Variants in CDH26 observed in about 807,000 individuals in gnomAD.
CDH26 encodes cadherin-like protein 26.
CDH26 carries 83 observed loss-of-function variants against 90.3 expected under a neutral mutation model. That is an observed-to-expected ratio of 0.92 (90% CI 0.77 to 1.10). The LOEUF (loss-of-function observed/expected upper bound fraction) is 1.10. Among genes scored for constraint, CDH26 ranks in the 50% least tolerant of loss-of-function variants. CDH26 has a pLI of 0.00. For synonymous variants in CDH26, 397 were observed against 396.3 expected, an observed-to-expected ratio of 1.00 and a Z score of -0.02; for missense variants, 1,013 against 1,037.6, an observed-to-expected ratio of 0.98 and a Z score of 0.33.
intron 1 of CDH26, among the ~76,000 whole-genome samples, chr20:59,967,881 C>CT (rs2061182340): frequency 1.0e-5 from 1 of 98,938 alleles, no homozygotes; most frequent in African/African-American, 8.0e-5. Context: ...TTCTTTCTTC[C>CT]TTCCTTCCTT....
At chr20:59,959,111 CT>C (rs2061034554) in intron 1 of CDH26, among the ~76,000 whole-genome samples, 1 of 152,094 alleles carries the variant, frequency 6.6e-6, no homozygotes, top group East Asian at 1.9e-4. Context: ...TTTCTTTCTC[CT>C]TTTGTTGAGA....
chr20:59,999,815 A>T, intron 14 of CDH26, 152 bp downstream of exon 14: 1 of 646,660 alleles, frequency 1.5e-6, no homozygotes, highest in Non-Finnish European at 2.7e-6. Context: ...GCAAAGCCCC[A>T]TGGTTCCCTT....
At chr20:59,975,924 G>A (rs985308390) in intron 4 of CDH26, among the ~76,000 whole-genome samples, 12 of 152,080 alleles carry the variant, frequency 7.9e-5, no homozygotes, top group South Asian at 2.1e-4. Flanking sequence ...AGTAGCCCTG[G>A]TTGAGAATTA....
downstream of CDH26, among the ~76,000 whole-genome samples, chr20:60,015,529 C>T (rs965402697): frequency 2.6e-5 from 4 of 152,154 alleles, no homozygotes; most frequent in African/African-American, 9.7e-5. Context: ...AGATAATAAC[C>T]CCTTATTGGA....
Position 59,987,615 on chromosome 20 carries a change from G to A in CDH26, c.1000G>A (p.Glu334Lys), listed in dbSNP as rs778225410. 1.4e-5 allele frequency: 22 copies of A among 1,612,928 alleles called. No homozygotes were observed. The East Asian group carries it at 2.9e-4, about 21-fold the overall frequency. The change falls in exon 8 of 18, where the codon GAA (glutamate) becomes AAA (lysine). Residue 334 changes from glutamate (E) to lysine (K), a missense_variant. Coordinates refer to ENST00000348616, the MANE Select transcript of CDH26 (RefSeq NM_177980.4). ...FDISTDPETNEGILNVIKPLD... is the reference protein window; with the variant it reads ...FDISTDPETNKGILNVIKPLD... Reference sequence around the variant, plus strand: ...CATTTCGACTGACCCTGAGACCAACGAAGGGATATTAAATGTTATCAAGGT... The same window carrying A: ...CATTTCGACTGACCCTGAGACCAACAAAGGGATATTAAATGTTATCAAGGT...
chr20:59,995,775 T>C (rs529026590), intron 11 of CDH26, 58 bp from the exon 12 acceptor site: 3 of 1,495,672 alleles, frequency 2.0e-6, no homozygotes, highest in African/African-American at 2.8e-5. Flanking sequence ...TAAGCGTGTG[T>C]TGAGCAGATG....
At chr20:59,996,306 C>A (rs2061596074) in intron 12 of CDH26, 3 of 1,331,228 alleles carry the variant, frequency 2.3e-6, no homozygotes, top group Non-Finnish European at 3.0e-6. Flanking sequence ...CAAGGAGTGG[C>A]CCTTTGTTTG....
chr20:60,031,410 T>G (rs999417561), exon 8 of CDH26: 1 of 1,196,054 alleles, frequency 8.4e-7, no homozygotes, highest in Non-Finnish European at 1.1e-6. Context: ...AGAAAGTTGT[T>G]TATGACCACA....
intron 1 of CDH26, among the ~76,000 whole-genome samples, chr20:59,960,420 C>G (rs963813810): frequency 6.6e-6 from 1 of 151,000 alleles, no homozygotes. Flanking sequence ...CACACACACA[C>G]AGGCACAAAG....
Position 60,001,391 on chromosome 20 carries a change from C to A in CDH26, c.2146C>A (p.Arg716Ser). 6.2e-7 allele frequency: 1 copy of A among 1,614,012 alleles called. No homozygotes were observed. The highest frequency in any genetic ancestry group is 8.5e-7 in the Non-Finnish European group (1 of 1,179,992). Reference sequence around the variant, plus strand: ...TGCAGCGAGTCAGTCAGCCCAAGCACGCTGTGCTCTGGGGAGCTGGGTGAG... The same window carrying A: ...TGCAGCGAGTCAGTCAGCCCAAGCAAGCTGTGCTCTGGGGAGCTGGGTGAG... ...PSAASQSAQA[R>S]CALGSWGYGK... The change falls in exon 15 of 18, where the codon CGC becomes AGC. Residue 716 changes from arginine to serine, a missense_variant. Transcript: ENST00000348616.
chr20:60,031,308 G>A, exon 8 of CDH26: 2 of 1,292,436 alleles, frequency 1.5e-6, no homozygotes, highest in South Asian at 1.3e-5. Context: ...GGCGAGGATT[G>A]CCACAAGACA....
exon 9 of CDH26, chr20:60,033,806 A>C: frequency 6.1e-6 from 3 of 489,692 alleles, no homozygotes; most frequent in Non-Finnish European, 5.1e-6. Flanking sequence ...TGTGTGTGTG[A>C]TCATGAAGAA....
At chr20:59,985,362 A>C (rs753219518) in intron 7 of CDH26, among the ~76,000 whole-genome samples, 1 of 152,182 alleles carries the variant, frequency 6.6e-6, no homozygotes, top group African/African-American at 2.4e-5. Flanking sequence ...CAGGACGCCT[A>C]TGATCATGGC....
At chr20:59,986,379 C>T (rs756816780) in intron 7 of CDH26, among the ~76,000 whole-genome samples, 1 of 152,130 alleles carries the variant, frequency 6.6e-6, no homozygotes, top group Non-Finnish European at 1.5e-5. Flanking sequence ...TGTGAGATGG[C>T]TAAGAGATAA....
chr20:59,993,740 C>G (rs996585342), intron 10 of CDH26, among the ~76,000 whole-genome samples: 17 of 152,140 alleles, frequency 1.1e-4, no homozygotes, highest in Admixed American at 9.8e-4. Context: ...TAGAAAAAGT[C>G]GTTTTAGATA....
At chr20:59,997,087 G>A (rs2426864) in intron 13 of CDH26, among the ~76,000 whole-genome samples, 28,982 of 152,186 alleles carry the variant, frequency 0.19, 7,004 homozygotes, top group African/African-American at 0.57. Flanking sequence ...AGCCTACAAC[G>A]CACAAGACAG....
intron 4 of CDH26, among the ~76,000 whole-genome samples, chr20:59,980,116 T>C (rs913449689): frequency 2.6e-5 from 4 of 152,202 alleles, no homozygotes; most frequent in Admixed American, 6.5e-5. Flanking sequence ...CATCTTTGGC[T>C]GCACTTAGTA....
chr20:59,970,798 A>G (rs1458450287), intron 3 of CDH26, among the ~76,000 whole-genome samples: 1 of 149,584 alleles, frequency 6.7e-6, no homozygotes, highest in Non-Finnish European at 1.5e-5. Context: ...CGACAGCGAG[A>G]CTCTGTCTCA....
intron 7 of CDH26, among the ~76,000 whole-genome samples, chr20:60,028,536 GC>G (rs1446536067): frequency 6.6e-6 from 1 of 152,182 alleles, no homozygotes; most frequent in Non-Finnish European, 1.5e-5. Context: ...GGAGAGAAAA[GC>G]TTGCAGAAGG....
Sources: allele counts gnomAD v4.1 joint callset (sites outside exome capture counted in the v4.1 genomes callset), GRCh38; gene constraint gnomAD v4.1.1; transcripts MANE v1.5; gene names NCBI Gene and HGNC (gene_info 2026-07-23, HGNC 2026-07-21).